Variants in MAGI1 observed in about 807,000 individuals in gnomAD.
The protein encoded by MAGI1 is membrane-associated guanylate kinase, WW and PDZ domain-containing protein 1.
Under a neutral mutation model 139.9 loss-of-function variants are expected in MAGI1, and 58 were observed. The observed-to-expected ratio is 0.41, with a 90% confidence interval of 0.34 to 0.52. The LOEUF is 0.52. Among genes scored for constraint, MAGI1 ranks in the 20% least tolerant of loss-of-function variants. The probability of loss-of-function intolerance (pLI) is 0.12; values close to 1 mark genes in which losing one functional copy is unlikely to be tolerated. For missense variants in MAGI1, 1,874 were observed against 1,901.6 expected, an observed-to-expected ratio of 0.99 and a Z score of 0.27; for synonymous variants, 812 against 737.9, an observed-to-expected ratio of 1.10 and a Z score of -1.63.
chr3:65,544,745 GC>G (rs2079417476), intron 2 of MAGI1, among the ~76,000 whole-genome samples: 2 of 152,138 alleles, frequency 1.3e-5, no homozygotes, highest in African/African-American at 4.8e-5. Flanking sequence ...CAACCCCAAT[GC>G]CTAACTGATA....
intron 1 of MAGI1, among the ~76,000 whole-genome samples, chr3:65,625,275 C>T (rs1197715370): frequency 1.3e-5 from 2 of 152,072 alleles, no homozygotes; most frequent in African/African-American, 2.4e-5. Flanking sequence ...TATATGTAAG[C>T]TATACCAATA....
At chr3:66,037,608 ACTCGTGG>A (rs1241370541) in intron 1 of MAGI1, among the ~76,000 whole-genome samples, 1 of 152,002 alleles carries the variant, frequency 6.6e-6, no homozygotes, top group Non-Finnish European at 1.5e-5. Flanking sequence ...ATGGAAACTG[ACTCGTGG>A]CCAAAGAACG....
Position 65,527,602 on chromosome 3 carries a change from G to A in MAGI1, c.431-33971C>T, listed in dbSNP as rs556949526. On this transcript the variant is annotated intron_variant, in intron 2 of 22. Transcript: ENST00000402939. ...TAACTAGGTGTGGTGGCAGACGCCTGTAGTCCCAGCTACTAGGGAGGCTGA... is the reference window on the plus strand; with the variant it reads ...TAACTAGGTGTGGTGGCAGACGCCTATAGTCCCAGCTACTAGGGAGGCTGA... Among the ~76,000 whole-genome samples the A allele has an allele frequency of 3.5e-3, 540 of 152,148 alleles. 4 individuals carry two copies. The highest frequency in any genetic ancestry group is 0.012 in the African/African-American group (515 of 41,502).
At chr3:65,850,881 C>T (rs929415647) in intron 1 of MAGI1, among the ~76,000 whole-genome samples, 37 of 152,000 alleles carry the variant, frequency 2.4e-4, no homozygotes, top group Admixed American at 3.9e-4. Context: ...CCGAGGCGGG[C>T]GGATCACCTG....
intron 9 of MAGI1, among the ~76,000 whole-genome samples, 171 bp from the exon 10 acceptor site, chr3:65,437,418 T>C (rs1182241723): frequency 6.6e-6 from 1 of 151,458 alleles, no homozygotes; most frequent in Non-Finnish European, 1.5e-5. Context: ...TTTTTTTTTT[T>C]TCTTGTCTAA....
chr3:65,728,140 A>T (rs1353834196), intron 1 of MAGI1, among the ~76,000 whole-genome samples: 1 of 152,182 alleles, frequency 6.6e-6, no homozygotes, highest in Non-Finnish European at 1.5e-5. Flanking sequence ...TATTCTAAGG[A>T]GGTGGCATAG....
At chr3:65,869,787 G>A (rs1463952651) in intron 1 of MAGI1, among the ~76,000 whole-genome samples, 1 of 152,120 alleles carries the variant, frequency 6.6e-6, no homozygotes, top group Non-Finnish European at 1.5e-5. Context: ...TAATCCAACT[G>A]AAATGAAATG....
intron 7 of MAGI1, among the ~76,000 whole-genome samples, chr3:65,444,443 A>T (rs1416556537): frequency 3.5e-5 from 5 of 143,378 alleles, no homozygotes; most frequent in African/African-American, 1.3e-4. Flanking sequence ...GGTGGATGTG[A>T]GGAGACCGCA....
intron 2 of MAGI1, among the ~76,000 whole-genome samples, chr3:65,514,879 A>G (rs2107772228): frequency 6.7e-6 from 1 of 148,250 alleles, no homozygotes; most frequent in East Asian, 2.0e-4. Flanking sequence ...TTGCGGCATT[A>G]TTCACAATAG....
Position 65,430,747 on chromosome 3 carries a change from T to C in MAGI1, c.1498A>G (p.Ser500Gly). 3 of 1,613,658 alleles carry C rather than the reference T, an allele frequency of 1.9e-6. No homozygotes were observed. Among genetic ancestry groups the C allele is most frequent in the Non-Finnish European group, 2.5e-6 (3 of 1,179,760 alleles). ...DEPDEFLQIK[S>G]LVLDGPAALD... ...GCAGCAGGACCATCTAGGACCAAGCTCTTGATCTGGAGAAACTCATCAGGT... is the reference window on the plus strand; with the variant it reads ...GCAGCAGGACCATCTAGGACCAAGCCCTTGATCTGGAGAAACTCATCAGGT... Residue 500 changes from serine to glycine, a missense_variant, in exon 11 of 23, where the codon AGC (serine) becomes GGC (glycine). Coordinates refer to ENST00000402939, the MANE Select transcript of MAGI1 (RefSeq NM_001033057.2).
intron 3 of MAGI1, among the ~76,000 whole-genome samples, chr3:65,483,515 T>G (rs1432554925): frequency 6.6e-6 from 1 of 152,180 alleles, no homozygotes; most frequent in Non-Finnish European, 1.5e-5. Flanking sequence ...ATGCGCGACT[T>G]AACAGTATTA....
At chr3:65,476,807 T>C (rs1950917284) in intron 4 of MAGI1, among the ~76,000 whole-genome samples, 1 of 152,154 alleles carries the variant, frequency 6.6e-6, no homozygotes, top group South Asian at 2.1e-4. Flanking sequence ...TGTTAACATG[T>C]TTCATGATCT....
chr3:65,663,582 T>G (rs1360911732), intron 1 of MAGI1, among the ~76,000 whole-genome samples: 1 of 152,196 alleles, frequency 6.6e-6, no homozygotes, highest in Non-Finnish European at 1.5e-5. Flanking sequence ...ACAGATTACT[T>G]CATTCAAGAG....
At chr3:65,418,782 C>G (rs1021730330) in intron 12 of MAGI1, among the ~76,000 whole-genome samples, 1 of 152,202 alleles carries the variant, frequency 6.6e-6, no homozygotes, top group African/African-American at 2.4e-5. Flanking sequence ...CAGCTTACCC[C>G]AATCCCTATC....
intron 5 of MAGI1, among the ~76,000 whole-genome samples, chr3:65,460,676 C>T (rs181880512): frequency 2.6e-5 from 4 of 151,644 alleles, no homozygotes; most frequent in African/African-American, 9.7e-5. Context: ...AGGTATTACT[C>T]CTAATGCTGT....
At chr3:65,862,886 T>G (rs2059601006) in intron 1 of MAGI1, among the ~76,000 whole-genome samples, 1 of 152,218 alleles carries the variant, frequency 6.6e-6, no homozygotes, top group Non-Finnish European at 1.5e-5. Flanking sequence ...AGTTTCTCTG[T>G]TATGGCAGCT....
intron 1 of MAGI1, among the ~76,000 whole-genome samples, chr3:65,929,152 G>C (rs200947755): frequency 1.1e-5 from 1 of 93,034 alleles, no homozygotes; most frequent in Non-Finnish European, 2.1e-5. Flanking sequence ...AGACAATGCC[G>C]CAAAAAAAAA....
At chr3:65,563,291 G>A (rs1446591573) in intron 2 of MAGI1, among the ~76,000 whole-genome samples, 1 of 152,130 alleles carries the variant, frequency 6.6e-6, no homozygotes. Flanking sequence ...CTATTGGACA[G>A]CTTGCAACTC....
Position 65,603,912 on chromosome 3 carries a change from T to C in MAGI1, c.430+18060A>G, listed in dbSNP as rs74522386. ...AAGGAAACCCACTCTCTCAAGTCTGTTTAAAAGGATCCTATTCCCATCCAT... is the reference window on the plus strand; with the variant it reads ...AAGGAAACCCACTCTCTCAAGTCTGCTTAAAAGGATCCTATTCCCATCCAT... On this transcript the variant is annotated intron_variant, in intron 2 of 22. Coordinates refer to ENST00000402939, the MANE Select transcript of MAGI1 (RefSeq NM_001033057.2). Among the ~76,000 whole-genome samples, 237 of 152,274 alleles carry C rather than the reference T, an allele frequency of 1.6e-3. 7 individuals are homozygous for C. In the East Asian group the frequency reaches 0.036, roughly 23 times the overall value.
Sources: gnomAD v4.1 joint callset for allele counts (sites outside exome capture counted in the v4.1 genomes callset) on GRCh38, gnomAD v4.1.1 for gene constraint, MANE v1.5 for transcripts, NCBI Gene and HGNC (gene_info 2026-07-23, HGNC 2026-07-21) for gene names.